Variants in TMEM132D observed in about 807,000 individuals in gnomAD.
The protein encoded by TMEM132D is transmembrane protein 132D, also known as mature OL transmembrane protein.
TMEM132D carries 21 observed loss-of-function variants against 62.3 expected under a neutral mutation model. That is an observed-to-expected ratio of 0.34 (90% CI 0.24 to 0.49). The LOEUF is 0.49. Among genes scored for constraint, TMEM132D ranks in the 20% least tolerant of loss-of-function variants. The probability of loss-of-function intolerance (pLI) is 0.99; values close to 1 mark genes in which losing one functional copy is unlikely to be tolerated. For missense variants in TMEM132D, 1,346 were observed against 1,402.8 expected (o/e 0.96, Z 0.65); for synonymous variants, 621 against 575.6 (o/e 1.08, Z -1.13).
chr12:129,216,569 C>T (rs530989579), intron 4 of TMEM132D, among the ~76,000 whole-genome samples: 1 of 152,146 alleles, frequency 6.6e-6, no homozygotes, highest in African/African-American at 2.4e-5. Context: ...AAGGATGCTT[C>T]CCTAGAGCCT....
intron 2 of TMEM132D, among the ~76,000 whole-genome samples, chr12:129,638,708 C>T (rs1273590756): frequency 6.6e-6 from 1 of 151,846 alleles, no homozygotes; most frequent in Non-Finnish European, 1.5e-5. Context: ...ATCAGTATCT[C>T]TTGCTAAAAT....
chr12:129,640,569 C>T (rs966109244), intron 2 of TMEM132D, among the ~76,000 whole-genome samples: 3 of 152,170 alleles, frequency 2.0e-5, no homozygotes, highest in African/African-American at 7.2e-5. Flanking sequence ...GTTGGGCACT[C>T]CCAGCCCCTG....
intron 2 of TMEM132D, among the ~76,000 whole-genome samples, chr12:129,531,862 G>C (rs891411846): frequency 6.6e-6 from 1 of 152,064 alleles, no homozygotes; most frequent in African/African-American, 2.4e-5. Flanking sequence ...GTTTCTAAAA[G>C]AAACATAGAA....
chr12:129,390,210 C>T (rs1318174092), intron 3 of TMEM132D, among the ~76,000 whole-genome samples: 4 of 152,186 alleles, frequency 2.6e-5, no homozygotes, highest in South Asian at 2.1e-4. Context: ...CGGGCCAGTT[C>T]GGGTCCTCCG....
chr12:129,688,020 G>T (rs1352317350), intron 2 of TMEM132D, among the ~76,000 whole-genome samples: 1 of 152,162 alleles, frequency 6.6e-6, no homozygotes, highest in African/African-American at 2.4e-5. Context: ...ATAAATGTGT[G>T]TGAAGCCATA....
chr12:129,747,684 C>T (rs970076542), intron 1 of TMEM132D, among the ~76,000 whole-genome samples: 8 of 150,576 alleles, frequency 5.3e-5, no homozygotes, highest in African/African-American at 1.7e-4. Flanking sequence ...CACACACAGA[C>T]ATGCACTCAG....
chr12:129,340,000 C>A (rs1488181737), intron 3 of TMEM132D, among the ~76,000 whole-genome samples: 2 of 152,074 alleles, frequency 1.3e-5, no homozygotes, highest in East Asian at 3.9e-4. Context: ...ACCCCACAGC[C>A]CCATACTTCT....
intron 2 of TMEM132D, among the ~76,000 whole-genome samples, chr12:129,603,003 C>T (rs1254458840): frequency 6.6e-6 from 1 of 152,138 alleles, no homozygotes; most frequent in Non-Finnish European, 1.5e-5. Flanking sequence ...GAGTAACCGC[C>T]CCCATGATTC....
At chr12:129,618,278 A>G (rs1878974162) in intron 2 of TMEM132D, among the ~76,000 whole-genome samples, 1 of 152,234 alleles carries the variant, frequency 6.6e-6, no homozygotes, top group Admixed American at 6.5e-5. Context: ...TTAGAAAATC[A>G]TAATATCTAA....
chr12:129,495,697 C>A (rs1264685006), intron 3 of TMEM132D, among the ~76,000 whole-genome samples: 1 of 152,150 alleles, frequency 6.6e-6, no homozygotes, highest in Non-Finnish European at 1.5e-5. Context: ...GGGTATGTCA[C>A]AAGCCTAAGA....
At chr12:129,788,119 T>G (rs1187758734) in intron 1 of TMEM132D, among the ~76,000 whole-genome samples, 1 of 152,212 alleles carries the variant, frequency 6.6e-6, no homozygotes, top group Non-Finnish European at 1.5e-5. Context: ...AATCTCTGAA[T>G]TCATCAACAT....
chr12:129,422,147 A>G (rs1468776923), intron 3 of TMEM132D, among the ~76,000 whole-genome samples: 1 of 151,844 alleles, frequency 6.6e-6, no homozygotes, highest in Non-Finnish European at 1.5e-5. Flanking sequence ...TACTGACACT[A>G]ATGTTAATAT....
chr12:129,893,432 A>C, intron 1 of TMEM132D, among the ~76,000 whole-genome samples: 1 of 112,916 alleles, frequency 8.9e-6, no homozygotes, highest in Non-Finnish European at 1.6e-5. Flanking sequence ...GCTTCCATCC[A>C]TTCACAGGAC....
chr12:129,737,832 C>T (rs934808713), intron 1 of TMEM132D, among the ~76,000 whole-genome samples: 4 of 152,220 alleles, frequency 2.6e-5, no homozygotes, highest in African/African-American at 9.6e-5. Flanking sequence ...CTCACAGAGG[C>T]CCAGGATAGC....
intron 4 of TMEM132D, among the ~76,000 whole-genome samples, chr12:129,315,888 A>C (rs1227118727): frequency 6.6e-6 from 1 of 152,112 alleles, no homozygotes; most frequent in Non-Finnish European, 1.5e-5. Context: ...ATTTTCCAGG[A>C]ATTTACCCAT....
chr12:129,735,070 A>G (rs1264775569), intron 1 of TMEM132D, among the ~76,000 whole-genome samples: 1 of 152,240 alleles, frequency 6.6e-6, no homozygotes, highest in African/African-American at 2.4e-5. Flanking sequence ...GAAAGATTTG[A>G]AAGTTAAATA....
At chr12:129,794,253 A>ATTTTTTTTTTTTTTTTTTTTTT (rs3046861) in intron 1 of TMEM132D, among the ~76,000 whole-genome samples, 5 of 111,576 alleles carry the variant, frequency 4.5e-5, no homozygotes, top group South Asian at 3.2e-4. Context: ...CATGCCCAGC[A>ATTTTTTTTTTTTTTTTTTTTTT]TTTTTTTTTT....
chr12:129,349,206 C>T (rs1245910757), intron 3 of TMEM132D, among the ~76,000 whole-genome samples: 1 of 152,164 alleles, frequency 6.6e-6, no homozygotes, highest in Admixed American at 6.5e-5. Context: ...AATAACCAGG[C>T]TTTGTTGCTA....
At chr12:129,610,230 T>C (rs1878733856) in intron 2 of TMEM132D, among the ~76,000 whole-genome samples, 1 of 150,048 alleles carries the variant, frequency 6.7e-6, no homozygotes, top group Admixed American at 6.6e-5. Flanking sequence ...TGAGCTGAGA[T>C]TGCACCATTG....
Sources: allele counts gnomAD v4.1 joint callset (sites outside exome capture counted in the v4.1 genomes callset), GRCh38; gene constraint gnomAD v4.1.1; transcripts MANE v1.5; gene names NCBI Gene and HGNC (gene_info 2026-07-23, HGNC 2026-07-21).